RBMS3: variants seen among roughly 807,000 people sequenced by gnomAD.
The protein encoded by RBMS3 is RNA-binding motif, single-stranded-interacting protein 3.
Under a neutral mutation model 66.8 loss-of-function variants are expected in RBMS3, and 27 were observed. The observed-to-expected ratio is 0.40, with a 90% CI of 0.30 to 0.56. The LOEUF is 0.56. RBMS3 is among the 20% of genes least tolerant of loss of function. The pLI is 0.40. For missense variants in RBMS3, 513 were observed against 549.5 expected (o/e 0.93, Z 0.66); for synonymous variants, 188 against 183.0 (o/e 1.03, Z -0.22).
chr3:29,791,154 C>T (rs544520982), intron 6 of RBMS3, among the ~76,000 whole-genome samples: 3 of 152,226 alleles, frequency 2.0e-5, no homozygotes, highest in African/African-American at 7.2e-5. Context: ...TAAAGAGGTT[C>T]TCATACATAA....
chr3:29,858,195 T>G (rs2059128191), intron 6 of RBMS3, among the ~76,000 whole-genome samples: 1 of 151,836 alleles, frequency 6.6e-6, no homozygotes, highest in Non-Finnish European at 1.5e-5. Context: ...TTACATGTCC[T>G]TTTTCCATTT....
intron 4 of RBMS3, among the ~76,000 whole-genome samples, chr3:29,609,162 A>G (rs552330708): frequency 7.4e-4 from 113 of 152,234 alleles, no homozygotes; most frequent in African/African-American, 2.6e-3. Context: ...TCAAATGAAT[A>G]TAAAAGTTTC....
intron 1 of RBMS3, among the ~76,000 whole-genome samples, chr3:29,433,872 G>A (rs185046802): frequency 7.4e-4 from 113 of 152,182 alleles, no homozygotes; most frequent in Non-Finnish European, 1.1e-3. Flanking sequence ...TTAAAACAGC[G>A]GTTCTCCCAG....
chr3:29,715,711 A>C (rs746795737), intron 4 of RBMS3, among the ~76,000 whole-genome samples: 1 of 152,168 alleles, frequency 6.6e-6, no homozygotes, highest in South Asian at 2.1e-4. Context: ...GTGAAAAACC[A>C]ATCTCAATGT....
At chr3:29,455,207 C>T (rs879687351) in intron 2 of RBMS3, among the ~76,000 whole-genome samples, 16 of 152,150 alleles carry the variant, frequency 1.1e-4, no homozygotes, top group Non-Finnish European at 1.9e-4. Flanking sequence ...TCACAGTTTT[C>T]ACCCTGTGTT....
At chr3:29,845,339 CT>C (rs991124933) in intron 6 of RBMS3, among the ~76,000 whole-genome samples, 1 of 152,174 alleles carries the variant, frequency 6.6e-6, no homozygotes, top group Non-Finnish European at 1.5e-5. Context: ...AAAAATAGGT[CT>C]CCCCTCATAA....
At chr3:29,850,502 G>T (rs2058905772) in intron 6 of RBMS3, among the ~76,000 whole-genome samples, 1 of 151,856 alleles carries the variant, frequency 6.6e-6, no homozygotes, top group African/African-American at 2.4e-5. Context: ...GAAATTACAT[G>T]TTTTTTTAGT....
intron 4 of RBMS3, among the ~76,000 whole-genome samples, chr3:29,645,285 C>T (rs2049874436): frequency 6.6e-6 from 1 of 152,188 alleles, no homozygotes; most frequent in Non-Finnish European, 1.5e-5. Flanking sequence ...TTGTGATCTG[C>T]AAATCGGTAT....
chr3:29,559,296 A>G (rs2046460707), intron 3 of RBMS3, among the ~76,000 whole-genome samples: 1 of 152,148 alleles, frequency 6.6e-6, no homozygotes, highest in African/African-American at 2.4e-5. Flanking sequence ...CCAGTCCCCT[A>G]TACCATTAAC....
Position 29,885,343 on chromosome 3 carries a change from A to C in RBMS3, c.791+1135A>C, listed in dbSNP as rs867973054. Among the ~76,000 whole-genome samples, 25 of 152,074 alleles carry C rather than the reference A, an allele frequency of 1.6e-4. 3 individuals are homozygous for C. The South Asian group carries it at 2.7e-3, about 16-fold the overall frequency. On this transcript the variant is annotated intron_variant, in intron 8 of 14. Transcript: ENST00000383767. ...AAGGATATCTTTTCATATATCCAAT[A>C]GGCATTTACTTATTTCCAACAAAAT... is the stretch of plus-strand genomic sequence containing the variant.
chr3:29,893,873 T>C (rs1400328160), intron 8 of RBMS3, among the ~76,000 whole-genome samples: 1 of 151,528 alleles, frequency 6.6e-6, no homozygotes, highest in Non-Finnish European at 1.5e-5. Flanking sequence ...TCTTCCTGTA[T>C]GGTAATCACT....
chr3:29,853,423 CTTTTTTTT>C (rs71091081), intron 6 of RBMS3, among the ~76,000 whole-genome samples: 8 of 84,542 alleles, frequency 9.5e-5, no homozygotes, highest in South Asian at 5.0e-4. Flanking sequence ...AATTTACTTT[CTTTTTTTT>C]TTTTTTTTTT....
chr3:29,738,669 A>G (rs2054486331), intron 4 of RBMS3, among the ~76,000 whole-genome samples: 1 of 152,216 alleles, frequency 6.6e-6, no homozygotes, highest in South Asian at 2.1e-4. Context: ...CATCAGGATC[A>G]CCTGGAGGGC....
intron 6 of RBMS3, among the ~76,000 whole-genome samples, chr3:29,861,381 TA>T (rs760196655): frequency 1.1e-4 from 16 of 152,202 alleles, no homozygotes; most frequent in Non-Finnish European, 2.2e-4. Context: ...TTTTTAAATT[TA>T]AGAGTTAAAG....
chr3:29,855,872 T>A (rs936476167), intron 6 of RBMS3, among the ~76,000 whole-genome samples: 1 of 152,128 alleles, frequency 6.6e-6, no homozygotes, highest in African/African-American at 2.4e-5. Context: ...ATGTGTATAA[T>A]CTACTGCATT....
At chr3:29,638,144 CT>C (rs1205277743) in intron 4 of RBMS3, among the ~76,000 whole-genome samples, 5 of 151,892 alleles carry the variant, frequency 3.3e-5, no homozygotes, top group African/African-American at 9.6e-5. Context: ...ACACGTCCCC[CT>C]ATCCCCACCA....
chr3:29,567,221 G>A (rs1005298909), intron 3 of RBMS3, among the ~76,000 whole-genome samples: 3 of 152,008 alleles, frequency 2.0e-5, no homozygotes, highest in African/African-American at 7.2e-5. Context: ...TGAGCATTTG[G>A]TAAATCAATA....
At chr3:29,835,680 A>G (rs2058486891) in intron 6 of RBMS3, among the ~76,000 whole-genome samples, 1 of 151,928 alleles carries the variant, frequency 6.6e-6, no homozygotes, top group African/African-American at 2.4e-5. Flanking sequence ...AAACAAAGAG[A>G]CATCTCAAAT....
intron 4 of RBMS3, among the ~76,000 whole-genome samples, chr3:29,661,176 T>C (rs1252807098): frequency 6.6e-6 from 1 of 152,178 alleles, no homozygotes; most frequent in Non-Finnish European, 1.5e-5. Flanking sequence ...CCCTGGAAGT[T>C]GCAAGCCTTC....
Sources: gnomAD v4.1 joint callset for allele counts (sites outside exome capture counted in the v4.1 genomes callset) on GRCh38, gnomAD v4.1.1 for gene constraint, MANE v1.5 for transcripts, NCBI Gene and HGNC (gene_info 2026-07-23, HGNC 2026-07-21) for gene names.